The following PPP1R12B variants were observed in gnomAD, a reference collection of about 807,000 sequenced individuals.
The protein encoded by PPP1R12B is myosin phosphatase target subunit 2.
In PPP1R12B, 76 loss-of-function variants were observed where a neutral mutation model predicts 126.1. The ratio of observed to expected loss-of-function variants is 0.60; its 90% confidence interval spans 0.50 to 0.73. PPP1R12B has a LOEUF of 0.73. PPP1R12B is among the 30% of genes least tolerant of loss of function. PPP1R12B has a pLI of 0.00. For missense variants in PPP1R12B, 1,052 were observed against 1,205.1 expected (o/e 0.87, Z 1.88); for synonymous variants, 356 against 434.7 (o/e 0.82, Z 2.25).
At chr1:202,521,173 C>T (rs1409251271) in intron 18 of PPP1R12B, among the ~76,000 whole-genome samples, 1 of 152,082 alleles carries the variant, frequency 6.6e-6, no homozygotes, top group Non-Finnish European at 1.5e-5. Context: ...AACTGGGCTA[C>T]CTAGGAGGAA....
At chr1:202,447,459 G>T (rs1160706532) in intron 12 of PPP1R12B, among the ~76,000 whole-genome samples, 1 of 152,178 alleles carries the variant, frequency 6.6e-6, no homozygotes, top group East Asian at 1.9e-4. Context: ...ATCATTAGAA[G>T]AACCCTGTAT....
chr1:202,497,993 C>G (rs1162289346), intron 18 of PPP1R12B, among the ~76,000 whole-genome samples: 2 of 152,128 alleles, frequency 1.3e-5, no homozygotes, highest in Admixed American at 1.3e-4. Flanking sequence ...GGAACATTAT[C>G]CATACAGAAT....
intron 22 of PPP1R12B, among the ~76,000 whole-genome samples, chr1:202,568,830 A>G (rs867738953): frequency 3.9e-5 from 6 of 152,220 alleles, no homozygotes; most frequent in Non-Finnish European, 7.3e-5. Context: ...ACTTGCAGAC[A>G]TTTGAAATTC....
chr1:202,443,308 A>G (rs1436209296), intron 12 of PPP1R12B, among the ~76,000 whole-genome samples: 1 of 152,190 alleles, frequency 6.6e-6, no homozygotes, highest in Non-Finnish European at 1.5e-5. Flanking sequence ...CTTACTTTGA[A>G]TTCTTTCTTC....
intron 1 of PPP1R12B, among the ~76,000 whole-genome samples, chr1:202,374,750 C>T (rs979539737): frequency 3.3e-5 from 5 of 151,874 alleles, no homozygotes; most frequent in African/African-American, 7.3e-5. Flanking sequence ...GTCTGCCCGC[C>T]TGGTCTCGAA....
chr1:202,526,785 AAGTT>A (rs1482763309), intron 18 of PPP1R12B, among the ~76,000 whole-genome samples: 3 of 152,212 alleles, frequency 2.0e-5, no homozygotes, highest in Admixed American at 6.5e-5. Context: ...TGGCAACAAA[AAGTT>A]AGCTGAAGAA....
intron 18 of PPP1R12B, among the ~76,000 whole-genome samples, chr1:202,553,796 G>T (rs1032281220): frequency 6.6e-6 from 1 of 152,092 alleles, no homozygotes; most frequent in Non-Finnish European, 1.5e-5. Context: ...AGAAGCTTCA[G>T]TGTTCATTTC....
rs1165900642 is a variant in PPP1R12B at position 202,535,043 on chromosome 1, G to GTGTGTGTGTGTA, written c.2491-23822_2491-23811dup. On this transcript the variant is annotated intron_variant, in intron 18 of 23. Transcript: ENST00000608999. ...GCTAGGCACTGTGATGGATGATTAT[G>GTGTGTGTGTGTA]TGTGTGTGTGTATGTGTGTGTGTGT... Among the ~76,000 whole-genome samples the GTGTGTGTGTGTA allele has an allele frequency of 5.3e-3, 807 of 151,060 alleles. 6 individuals are homozygous for GTGTGTGTGTGTA. Among genetic ancestry groups the GTGTGTGTGTGTA allele is most frequent in the African/African-American group, 0.019 (775 of 41,178 alleles).
Position 202,580,938 on chromosome 1 carries a change from G to A in PPP1R12B, c.*378G>A, listed in dbSNP as rs1267951128. 1 of 192,200 alleles carries A rather than the reference G, an allele frequency of 5.2e-6. No homozygotes were observed. The highest frequency in any genetic ancestry group is 1.1e-5 in the Non-Finnish European group (1 of 90,148). 11.9% of individuals were successfully genotyped at this position (192,200 alleles called of 1,614,324 possible). On this transcript the variant is annotated 3_prime_UTR_variant, in exon 24 of 24. Coordinates refer to ENST00000608999, the MANE Select transcript of PPP1R12B (RefSeq NM_002481.4). Reference sequence around the variant, plus strand: ...CTTCTACCCTAATCAGTATCCTTCAGCTTTTTACATTAACCCAGTGTCCTC... The same window carrying A: ...CTTCTACCCTAATCAGTATCCTTCAACTTTTTACATTAACCCAGTGTCCTC...
intron 1 of PPP1R12B, among the ~76,000 whole-genome samples, chr1:202,352,347 A>G (rs1656180105): frequency 6.6e-6 from 1 of 152,188 alleles, no homozygotes; most frequent in Non-Finnish European, 1.5e-5. Flanking sequence ...TAGATACATG[A>G]TATCTACCAA....
intron 12 of PPP1R12B, among the ~76,000 whole-genome samples, chr1:202,445,551 CA>C (rs1303713266): frequency 6.6e-6 from 1 of 152,086 alleles, no homozygotes; most frequent in Non-Finnish European, 1.5e-5. Context: ...ATATTGAAAA[CA>C]TTTTCATATT....
chr1:202,554,425 A>T (rs1344228829), intron 18 of PPP1R12B, among the ~76,000 whole-genome samples: 1 of 152,136 alleles, frequency 6.6e-6, no homozygotes, highest in African/African-American at 2.4e-5. Flanking sequence ...CTCCTACTGC[A>T]TCCAAAGCTC....
At chr1:202,546,926 C>A (rs1415715757) in intron 18 of PPP1R12B, among the ~76,000 whole-genome samples, 1 of 152,186 alleles carries the variant, frequency 6.6e-6, no homozygotes, top group African/African-American at 2.4e-5. Flanking sequence ...TGGCGCTTTC[C>A]TATTCCATCA....
chr1:202,377,841 T>G (rs948730774), intron 1 of PPP1R12B, among the ~76,000 whole-genome samples: 2 of 47,252 alleles, frequency 4.2e-5, no homozygotes, highest in Non-Finnish European at 6.1e-5. Flanking sequence ...TGTTTTTTTT[T>G]TTTTTTTTTT....
chr1:202,586,612 A>C lies in PPP1R12B; in HGVS notation c.*6052A>C, dbSNP rs539197114. ...AGTCCAGGAACTGTTGGTCACAGCTACTAGGAATGAGGTGATTTCTGAGGG... is the reference window on the plus strand; with the variant it reads ...AGTCCAGGAACTGTTGGTCACAGCTCCTAGGAATGAGGTGATTTCTGAGGG... On this transcript the variant is annotated 3_prime_UTR_variant, in exon 24 of 24. Coordinates refer to ENST00000608999, the MANE Select transcript of PPP1R12B (RefSeq NM_002481.4). The C allele has an allele frequency of 6.6e-6, 1 of 152,240 alleles. No homozygotes were observed. The highest frequency in any genetic ancestry group is 1.9e-4 in the East Asian group (1 of 5,206). The allele number at this position is 152,240 out of a possible 1,614,324, so 9.4% of individuals were successfully genotyped here. A position where few individuals can be genotyped will look rare whatever the true frequency, so the allele number is the denominator to read the frequency against.
At position 202,570,084 on chromosome 1, in the gene PPP1R12B, G is replaced by A. The variant is rs541187889; in HGVS notation, c.2862+887G>A. Among the ~76,000 whole-genome samples the A allele has an allele frequency of 1.1e-3, 164 of 152,262 alleles. 1 individual carries two copies. Among genetic ancestry groups the A allele is most frequent in the Non-Finnish European group, 2.0e-3 (133 of 68,022 alleles). On this transcript the variant is annotated intron_variant, in intron 23 of 23. Transcript: ENST00000608999. Reference sequence around the variant, plus strand: ...GATGACACATGCCCATAATCACTTAGCACCTACTCAGCTTTTTTCTTTCTT... The same window carrying A: ...GATGACACATGCCCATAATCACTTAACACCTACTCAGCTTTTTTCTTTCTT...
At position 202,439,186 on chromosome 1, in the gene PPP1R12B, C is replaced by A; in HGVS notation, c.1458+1162C>A. 3 of 1,529,968 alleles carry A rather than the reference C, an allele frequency of 2.0e-6. No individual in the cohort carries two copies. The South Asian group carries it at 3.4e-5, about 17-fold the overall frequency. The allele number at this position is 1,529,968 out of a possible 1,614,324, so 94.8% of individuals were successfully genotyped here. A position where few individuals can be genotyped will look rare whatever the true frequency, so the allele number is the denominator to read the frequency against. On this transcript the variant is annotated intron_variant, in intron 10 of 23. Coordinates refer to ENST00000608999, the MANE Select transcript of PPP1R12B (RefSeq NM_002481.4). ...ACCTGGCGGCCTCGCAGCTGAAGCT[C>A]GACCACTACTGCGCAGCCCTGTGCT...
chr1:202,510,194 C>T (rs1254068511), intron 18 of PPP1R12B, among the ~76,000 whole-genome samples: 1 of 152,164 alleles, frequency 6.6e-6, no homozygotes, highest in Non-Finnish European at 1.5e-5. Context: ...GAGTTCTTGA[C>T]TTAGAGCTAA....
chr1:202,439,052 G>A (rs1401328273), intron 10 of PPP1R12B: 68 of 1,385,022 alleles, frequency 4.9e-5, no homozygotes, highest in Admixed American at 8.4e-5. Context: ...CATCCTGGCC[G>A]CCAACTCCTA....
Sources: allele counts gnomAD v4.1 joint callset (sites outside exome capture counted in the v4.1 genomes callset), GRCh38; gene constraint gnomAD v4.1.1; transcripts MANE v1.5; gene names NCBI Gene and HGNC (gene_info 2026-07-23, HGNC 2026-07-21).